The following SLC2A6 variants were observed in gnomAD, a reference collection of about 807,000 sequenced individuals.
SLC2A6 encodes the protein solute carrier family 2, facilitated glucose transporter member 6.
SLC2A6 carries 39 observed loss-of-function variants against 47.8 expected under a neutral mutation model. That is an observed-to-expected ratio of 0.82 (90% confidence interval 0.63 to 1.07). The LOEUF (loss-of-function observed/expected upper bound fraction) is 1.07, where lower values mean the gene tolerates loss of function less well. SLC2A6 is among the 50% of genes least tolerant of loss of function. SLC2A6 has a pLI of 0.00. For synonymous variants in SLC2A6, 346 were observed against 324.1 expected (o/e 1.07, Z -0.73); for missense variants, 650 against 707.6 (o/e 0.92, Z 0.92).
chr9:133,478,473 A>G (rs587775475), intron 1 of SLC2A6, 57 bp from the exon 2 acceptor site: 3 of 1,590,460 alleles, frequency 1.9e-6, no homozygotes, highest in African/African-American at 1.3e-5. Flanking sequence ...TCCAGGGACC[A>G]TTGCCTTTTC....
At chr9:133,476,807 G>A (rs114106277) in intron 3 of SLC2A6, among the ~76,000 whole-genome samples, 1,680 of 152,338 alleles carry the variant, frequency 0.011, 23 homozygotes, top group African/African-American at 0.038. Flanking sequence ...CAAGAAACGG[G>A]GTAGAAGGCT....
At chr9:133,472,731 GGTGGGGTTGAGGGGGGAGTGT>G (rs1421390597) in intron 9 of SLC2A6, among the ~76,000 whole-genome samples, 3 of 152,160 alleles carry the variant, frequency 2.0e-5, no homozygotes, top group African/African-American at 7.2e-5. Flanking sequence ...AGGGGGAGTG[GGTGGGGTTGAGGGGGGAGTGT>G]GGCTGCTGCT....
In SLC2A6 at chr9:133,478,242, G is replaced by C. The variant is rs974690386; in HGVS notation, c.255+12C>G. 2 of 1,613,612 alleles carry C rather than the reference G, an allele frequency of 1.2e-6. No individual in the cohort carries two copies. Among genetic ancestry groups the C allele is most frequent in the South Asian group, 2.2e-5 (2 of 91,078 alleles). On this transcript the variant is annotated intron_variant, in intron 2 of 9. Transcript: ENST00000371899. ...TTCCTGCACCCACCCTCCTCCAGAG[G>C]ATGGTCCTTACCCCAAACCAGGATG...
rs1843724567 is a variant in SLC2A6, at chr9:133,471,808, T to C, written c.*213A>G. 2 of 590,498 alleles carry C rather than the reference T, an allele frequency of 3.4e-6. No individual in the cohort carries two copies. The highest frequency in any genetic ancestry group is 3.0e-5 in the Admixed American group (1 of 33,304). The allele number at this position is 590,498 out of a possible 1,614,324, so 36.6% of individuals were successfully genotyped here. A position where few individuals can be genotyped will look rare whatever the true frequency, so the allele number is the denominator to read the frequency against. ...TGCGGCCCATGGCTACGTGCAGCACTGTGGGCTGCCTGGGCTGGGGCTGTG... is the reference window on the plus strand; with the variant it reads ...TGCGGCCCATGGCTACGTGCAGCACCGTGGGCTGCCTGGGCTGGGGCTGTG... On this transcript the variant is annotated 3_prime_UTR_variant, in exon 10 of 10. Transcript: ENST00000371899.
In SLC2A6 at chr9:133,471,991, G is replaced by T. The variant is rs782319873; in HGVS notation, c.*30C>A. ...CAACACAGAGGCCCAGCCACTGGGGGTTTGGCCCCCTCCAGGCGGGGACCT... is the reference window on the plus strand; with the variant it reads ...CAACACAGAGGCCCAGCCACTGGGGTTTTGGCCCCCTCCAGGCGGGGACCT... On this transcript the variant is annotated 3_prime_UTR_variant, in exon 10 of 10. Transcript: ENST00000371899. The T allele has an allele frequency of 1.6e-5, 26 of 1,603,590 alleles. No homozygotes were observed. The highest frequency in any genetic ancestry group is 2.7e-5 in the African/African-American group (2 of 74,720).
chr9:133,475,770 G>C (rs1843922747), intron 4 of SLC2A6, among the ~76,000 whole-genome samples, 159 bp from the exon 5 acceptor site: 1 of 152,308 alleles, frequency 6.6e-6, no homozygotes, highest in South Asian at 2.1e-4. Flanking sequence ...GGGGCTGCAG[G>C]GATTGCTCAG....
chr9:133,474,068 G>A lies in SLC2A6; in HGVS notation c.948C>T (p.Ala316=). The A allele has an allele frequency of 6.2e-7, 1 of 1,608,038 alleles. No homozygotes were observed. Among genetic ancestry groups the A allele is most frequent in the Non-Finnish European group, 8.5e-7 (1 of 1,178,110 alleles). The part of the protein sequence containing the change: ...AVLLPPKDDA[A]IVGAVRLLSV... ...ACAGGAGCCGCACGGCCCCAACGAT[G>A]GCTGCGTCGTCCTTGGGGGGCTATC... The change falls in exon 7 of 10, where the codon GCC becomes GCT. Residue 316 remains alanine, a synonymous_variant. Coordinates refer to ENST00000371899, the MANE Select transcript of SLC2A6 (RefSeq NM_017585.4).
rs1554803663 is a variant in SLC2A6 at position 133,477,210 on chromosome 9, C to T, written c.287G>A (p.Gly96Asp). The T allele has an allele frequency of 1.3e-6, 2 of 1,551,032 alleles. No homozygotes were observed. Among genetic ancestry groups the T allele is most frequent in the Non-Finnish European group, 1.7e-6 (2 of 1,147,344 alleles). Residue 96 changes from glycine (G) to aspartate (D), a missense_variant, in exon 3 of 10, where the codon GGC becomes GAC. Coordinates refer to ENST00000371899, the MANE Select transcript of SLC2A6 (RefSeq NM_017585.4). ...SVFTLGAAAGGLSAMILNDLL... is the reference protein window; with the variant it reads ...SVFTLGAAAGDLSAMILNDLL... ...GTCGTTGAGGATCATGGCACTCAGG[C>T]CTCCGGCCGCTGCTCCCAGGGTGAA...
chr9:133,473,477 A>C lies in SLC2A6; in HGVS notation c.1160T>G (p.Leu387Arg). The C allele has an allele frequency of 6.2e-7, 1 of 1,604,792 alleles. No individual in the cohort carries two copies. Among genetic ancestry groups the C allele is most frequent in the Non-Finnish European group, 8.5e-7 (1 of 1,177,092 alleles). ...SESWGDLAQP[L>R]AAPAGYLTLV... is the part of the protein sequence containing the mutation. ...GGTGAGGTAGCCAGCGGGTGCTGCC[A>C]GGGGCTGCGCCAAGTCCCCCCAGGA... is the stretch of plus-strand genomic sequence containing the variant. The change falls in exon 8 of 10, where the codon CTG (leucine) becomes CGG (arginine). Residue 387 changes from leucine to arginine, a missense_variant. Physicochemically the swap from Leu to Arg is moderately radical, Grantham distance 102. Coordinates refer to ENST00000371899, the MANE Select transcript of SLC2A6 (RefSeq NM_017585.4).
chr9:133,474,207 G>A, intron 6 of SLC2A6, 119 bp from the exon 7 acceptor site: 1 of 710,370 alleles, frequency 1.4e-6, no homozygotes, highest in Non-Finnish European at 2.3e-6. Context: ...GTGCAGTACT[G>A]AGTGGCCTGG....
At chr9:133,478,196 T>A in intron 2 of SLC2A6, 58 bp downstream of exon 2, 1 of 1,586,294 alleles carries the variant, frequency 6.3e-7, no homozygotes, top group South Asian at 1.1e-5. Context: ...TAGCTGGAGA[T>A]AAGGCTCAGC....
At position 133,479,016 on chromosome 9, in the gene SLC2A6, G is replaced by A. The variant is rs1844077376; in HGVS notation, c.44C>T (p.Thr15Ile). Reference sequence around the variant, plus strand: ...CGACGGGGGCGGCTTCTCGGGGAAGGTGTCGTAGTCCGGGCCCTCGGCTCC... The same window carrying A: ...CGACGGGGGCGGCTTCTCGGGGAAGATGTCGTAGTCCGGGCCCTCGGCTCC... Reference protein sequence around the residue: ...LLGAEGPDYDTFPEKPPPSPG... With the variant: ...LLGAEGPDYDIFPEKPPPSPG... The change falls in exon 1 of 10, where the codon ACC becomes ATC. Residue 15 changes from threonine to isoleucine, a missense_variant. Thr to Ile is a moderately conservative substitution (Grantham distance 89, BLOSUM62 -1). Coordinates refer to ENST00000371899, the MANE Select transcript of SLC2A6 (RefSeq NM_017585.4). The A allele has an allele frequency of 1.9e-6, 3 of 1,599,620 alleles. No individual in the cohort carries two copies. Among genetic ancestry groups the A allele is most frequent in the Non-Finnish European group, 1.7e-6 (2 of 1,176,186 alleles).
At chr9:133,472,477 A>G (rs2131020076) in intron 9 of SLC2A6, among the ~76,000 whole-genome samples, 1 of 150,864 alleles carries the variant, frequency 6.6e-6, no homozygotes, top group Admixed American at 6.6e-5. Flanking sequence ...CAGCTGTTCC[A>G]TGCCGCGGCC....
chr9:133,477,365 AAGCACTTGAAACAGGG>A, intron 2 of SLC2A6, 124 bp from the exon 3 acceptor site: 1 of 886,672 alleles, frequency 1.1e-6, no homozygotes, highest in Non-Finnish European at 1.7e-6. Context: ...TGGCCAAGTC[AAGCACTTGAAACAGGG>A]AGCCTCCTGT....
chr9:133,476,382 TC>T, intron 3 of SLC2A6, 46 bp from the exon 4 acceptor site: 1 of 1,548,284 alleles, frequency 6.5e-7, no homozygotes, highest in Non-Finnish European at 8.9e-7. Context: ...AAATACTGGT[TC>T]CTAGGCCCGG....
At chr9:133,473,336 C>G in intron 8 of SLC2A6, 79 bp downstream of exon 8, 2 of 1,537,920 alleles carry the variant, frequency 1.3e-6, no homozygotes, top group Non-Finnish European at 8.8e-7. Context: ...GGAGACCCCC[C>G]TCTCCAGCCA....
At chr9:133,473,774 G>T in intron 7 of SLC2A6, 174 bp from the exon 8 acceptor site, 1 of 771,480 alleles carries the variant, frequency 1.3e-6, no homozygotes, top group Non-Finnish European at 2.0e-6. Flanking sequence ...CTCCCACCGT[G>T]GAGTGTCACA....
rs373135222 is a variant in SLC2A6 at position 133,476,230 on chromosome 9, T to C, written c.562+7A>G. 6.2e-7 allele frequency: 1 copy of C among 1,609,228 alleles called. No individual in the cohort carries two copies. The highest frequency in any genetic ancestry group is 8.5e-7 in the Non-Finnish European group (1 of 1,176,912). Reference sequence around the variant, plus strand: ...GCCTGCACACAGGAGTGCGGGGCCATACTTGCCAAGGGCGTAGAGGGACAG... The same window carrying C: ...GCCTGCACACAGGAGTGCGGGGCCACACTTGCCAAGGGCGTAGAGGGACAG... On this transcript the variant is annotated splice_region_variant and intron_variant, in intron 4 of 9. Transcript: ENST00000371899.
At chr9:133,478,667 C>G (rs1350850756) in intron 1 of SLC2A6, 1 of 594,860 alleles carries the variant, frequency 1.7e-6, no homozygotes, top group African/African-American at 1.9e-5. Context: ...TCTGGTTCTG[C>G]CCCCAGGGCG....
Sources: gnomAD v4.1 joint callset for allele counts (sites outside exome capture counted in the v4.1 genomes callset) on GRCh38, gnomAD v4.1.1 for gene constraint, MANE v1.5 for transcripts, NCBI Gene and HGNC (gene_info 2026-07-23, HGNC 2026-07-21) for gene names.